Variants in WDFY3 observed in about 807,000 individuals in gnomAD.
WDFY3 encodes the protein WD repeat and FYVE domain-containing protein 3.
Under a neutral mutation model 409.6 loss-of-function variants are expected in WDFY3, and 66 were observed. That is an observed-to-expected ratio of 0.16 (90% CI 0.13 to 0.20). WDFY3 has a LOEUF of 0.20. WDFY3 is among the 10% of genes least tolerant of loss of function. The pLI is 1.00. For synonymous variants in WDFY3, 1,521 were observed against 1,537.1 expected (o/e 0.99, Z 0.25); for missense variants, 3,031 against 4,298.1 (o/e 0.71, Z 8.24).
intron 57 of WDFY3, 89 bp from the exon 58 acceptor site, chr4:84,696,271 CTAAAA>C: frequency 8.6e-7 from 1 of 1,161,318 alleles, no homozygotes; most frequent in Non-Finnish European, 1.2e-6. Flanking sequence ...TTAATAGGAA[CTAAAA>C]TAACTAAAAA....
chr4:84,932,609 T>C (rs1404671878), intron 1 of WDFY3, among the ~76,000 whole-genome samples: 1 of 152,198 alleles, frequency 6.6e-6, no homozygotes, highest in Non-Finnish European at 1.5e-5. Context: ...TAAGGAAACT[T>C]TGACCTGGAG....
intron 1 of WDFY3, among the ~76,000 whole-genome samples, chr4:84,934,787 T>C (rs1771204207): frequency 6.6e-6 from 1 of 152,132 alleles, no homozygotes; most frequent in African/African-American, 2.4e-5. Flanking sequence ...TACTAATTTG[T>C]TCCTCCTCCA....
chr4:84,693,677 C>T lies in WDFY3; in HGVS notation c.8902-645G>A, dbSNP rs548747706. On this transcript the variant is annotated intron_variant, in intron 58 of 67. Transcript: ENST00000295888. ...CTTTGGGAGACTGAGGCAGGCGGAT[C>T]ATGAGGTCAGGAGTTCGAGACCAGC... Among the ~76,000 whole-genome samples the T allele has an allele frequency of 7.9e-5, 12 of 152,188 alleles. No individual in the cohort carries two copies. The East Asian group carries it at 1.7e-3, about 22-fold the overall frequency.
chr4:84,770,697 T>C (rs1461412709), intron 30 of WDFY3, among the ~76,000 whole-genome samples: 4 of 152,216 alleles, frequency 2.6e-5, no homozygotes, highest in African/African-American at 7.2e-5. Context: ...CAGAGACTGG[T>C]AATTTGAAAA....
rs1171112732 is a variant in WDFY3 at position 84,839,550 on chromosome 4, T to G, written c.414+1604A>C. On this transcript the variant is annotated intron_variant, in intron 6 of 67. Transcript: ENST00000295888. ...ACCAGGACAGGTTGGTTACACTAAT[T>G]CCCTGAGTTAAAAAAAAAAAAAGAG... 3.3e-5 allele frequency among the ~76,000 whole-genome samples: 5 copies of G among 150,836 alleles called. No individual in the cohort carries two copies. In the East Asian group the frequency reaches 9.8e-4, roughly 29 times the overall value.
intron 5 of WDFY3, among the ~76,000 whole-genome samples, chr4:84,846,904 A>T (rs554414594): frequency 6.6e-6 from 1 of 152,124 alleles, no homozygotes; most frequent in South Asian, 2.1e-4. Context: ...TTGGTGGCAC[A>T]ATGCACCTTT....
intron 13 of WDFY3, among the ~76,000 whole-genome samples, chr4:84,816,220 A>G (rs1753276812): frequency 1.3e-5 from 2 of 152,120 alleles, no homozygotes; most frequent in Non-Finnish European, 2.9e-5. Flanking sequence ...ATTTTAATGG[A>G]CTTCTTTCAC....
intron 65 of WDFY3, 35 bp from the exon 66 acceptor site, chr4:84,678,314 A>C (rs1483349288): frequency 9.9e-6 from 15 of 1,519,682 alleles, no homozygotes; most frequent in Non-Finnish European, 1.3e-5. Flanking sequence ...AACATAACTC[A>C]ACTGAGAGAA....
chr4:84,771,943 T>C (rs1744748869), intron 30 of WDFY3, among the ~76,000 whole-genome samples: 1 of 152,022 alleles, frequency 6.6e-6, no homozygotes, highest in African/African-American at 2.4e-5. Context: ...TCTCTCCATC[T>C]CTCCTTTGAA....
intron 36 of WDFY3, among the ~76,000 whole-genome samples, chr4:84,746,504 T>C (rs1349861637): frequency 6.6e-6 from 1 of 152,154 alleles, no homozygotes; most frequent in Non-Finnish European, 1.5e-5. Flanking sequence ...TCTTTCTTAT[T>C]CCAGAAGGAT....
At chr4:84,952,866 T>C (rs1773783470) in intron 1 of WDFY3, among the ~76,000 whole-genome samples, 2 of 151,908 alleles carry the variant, frequency 1.3e-5, no homozygotes, top group South Asian at 2.1e-4. Context: ...TTATGGAAAA[T>C]AGTATGGAGG....
chr4:84,875,885 C>T (rs981821543), intron 3 of WDFY3, among the ~76,000 whole-genome samples: 3 of 152,226 alleles, frequency 2.0e-5, no homozygotes, highest in African/African-American at 7.2e-5. Context: ...GATAACAATG[C>T]CTTCTTCTGA....
In WDFY3 at chr4:84,778,551, G is replaced by A; in HGVS notation, c.4470C>T (p.Ser1490=). 6.2e-7 allele frequency: 1 copy of A among 1,609,616 alleles called. No individual in the cohort carries two copies. Among genetic ancestry groups the A allele is most frequent in the Non-Finnish European group, 8.5e-7 (1 of 1,178,394 alleles). ...GGAAAGCAGTTGAATTTGGAATAAT[G>A]GAGGTCTCATGTCCACTATCAACAG... ...VGTVDSGHET[S]IIPNSTAFQD... is the part of the protein sequence containing the mutation. Residue 1490 remains serine (S), a synonymous_variant, in exon 27 of 68, where the codon TCC becomes TCT. Coordinates refer to ENST00000295888, the MANE Select transcript of WDFY3 (RefSeq NM_014991.6).
At chr4:84,856,101 C>A (rs1759731730) in intron 4 of WDFY3, among the ~76,000 whole-genome samples, 1 of 152,130 alleles carries the variant, frequency 6.6e-6, no homozygotes, top group South Asian at 2.1e-4. Context: ...AATAAAGCTG[C>A]CACAAAATAA....
Position 84,810,252 on chromosome 4 carries a change from A to G in WDFY3, c.1980T>C (p.Ala660=). ...GFVYITSLLV[A]MERSLSCPPK... is the part of the protein sequence containing the mutation. ...GTGGACAGCTCAAAGATCTTTCCAT[A>G]GCAACGAGCAAGGATGTAATGTACA... Residue 660 remains alanine, a synonymous_variant, in exon 14 of 68, where the codon GCT becomes GCC. Transcript: ENST00000295888. 2 of 1,614,124 alleles carry G rather than the reference A, an allele frequency of 1.2e-6. No homozygotes were observed. Among genetic ancestry groups the G allele is most frequent in the Non-Finnish European group, 1.7e-6 (2 of 1,179,996 alleles).
intron 23 of WDFY3, 37 bp from the exon 24 acceptor site, chr4:84,786,176 T>G (rs1451665335): frequency 1.3e-6 from 2 of 1,551,550 alleles, no homozygotes; most frequent in African/African-American, 2.8e-5. Context: ...AAATCATCAG[T>G]AGTTCTCATC....
Position 84,690,660 on chromosome 4 carries a change from A to T in WDFY3, c.9209T>A (p.Met3070Lys). Reference protein sequence around the residue: ...RLGTYESDKAMTVYECLSEWG... With the variant: ...RLGTYESDKAKTVYECLSEWG... ...CTCAGACAAGCATTCATAAACAGTC[A>T]TGGCCTATAAAGTAAAACGGATGTG... The change falls in exon 61 of 68, where the codon ATG (methionine) becomes AAG (lysine). Residue 3070 changes from methionine (M) to lysine (K), a missense_variant. Physicochemically the swap from Met to Lys is moderately conservative, Grantham distance 95. Coordinates refer to ENST00000295888, the MANE Select transcript of WDFY3 (RefSeq NM_014991.6). 6.2e-7 allele frequency: 1 copy of T among 1,611,554 alleles called. No homozygotes were observed. Among genetic ancestry groups the T allele is most frequent in the African/African-American group, 1.3e-5 (1 of 74,964 alleles).
intron 2 of WDFY3, among the ~76,000 whole-genome samples, chr4:84,904,686 C>CT (rs1766792983): frequency 1.3e-5 from 2 of 152,180 alleles, no homozygotes; most frequent in African/African-American, 2.4e-5. Flanking sequence ...CAAGCAAACT[C>CT]TAAAAGGTAG....
At chr4:84,907,973 G>A (rs931686811) in intron 2 of WDFY3, among the ~76,000 whole-genome samples, 1 of 151,620 alleles carries the variant, frequency 6.6e-6, no homozygotes, top group Admixed American at 6.6e-5. Context: ...GGAAAGAGTG[G>A]GTGTAGGTAT....
Sources: allele counts gnomAD v4.1 joint callset (sites outside exome capture counted in the v4.1 genomes callset), GRCh38; gene constraint gnomAD v4.1.1; transcripts MANE v1.5; gene names NCBI Gene and HGNC (gene_info 2026-07-23, HGNC 2026-07-21).